Variants in PTPRK observed in about 807,000 individuals in gnomAD.
PTPRK encodes receptor-type tyrosine-protein phosphatase kappa.
PTPRK carries 75 observed loss-of-function variants against 178.0 expected under a neutral mutation model. That is an observed-to-expected ratio of 0.42 (90% CI 0.35 to 0.51). PTPRK has a LOEUF of 0.51. Among genes scored for constraint, PTPRK ranks in the 20% least tolerant of loss-of-function variants. PTPRK has a pLI of 0.02. For synonymous variants in PTPRK, 637 were observed against 620.6 expected (o/e 1.03, Z -0.39); for missense variants, 1,441 against 1,797.8 (o/e 0.80, Z 3.59).
rs1377387680 is a variant in PTPRK, at chr6:127,970,147, A to C, written c.*80T>G. The stretch of plus-strand genomic sequence containing the variant: ...CCCCCACATTAAAATCTTTCTGCAC[A>C]AGTGTAACAGGTACAACAGCTGCTG... On this transcript the variant is annotated 3_prime_UTR_variant, in exon 30 of 30. Coordinates refer to ENST00000368226, the MANE Select transcript of PTPRK (RefSeq NM_002844.4). 1.2e-5 allele frequency: 13 copies of C among 1,129,868 alleles called. No individual in the cohort carries two copies. In the Admixed American group the frequency reaches 3.0e-4, roughly 26 times the overall value. The allele number at this position is 1,129,868 out of a possible 1,614,324, so 70.0% of individuals were successfully genotyped here. A position where few individuals can be genotyped will look rare whatever the true frequency, so the allele number is the denominator to read the frequency against.
In PTPRK at chr6:128,255,138, C is replaced by A. The variant is rs532411554; in HGVS notation, c.496-12536G>T. ...CCTGAGTAGCTGGGACTACAGGCGC[C>A]CGCCACCATGCCCAGCCAATTTTTG... On this transcript the variant is annotated intron_variant, in intron 3 of 29. Transcript: ENST00000368226. Among the ~76,000 whole-genome samples the A allele has an allele frequency of 2.0e-3, 298 of 152,180 alleles. 1 individual carries two copies. Among genetic ancestry groups the A allele is most frequent in the South Asian group, 4.6e-3 (22 of 4,826 alleles).
chr6:128,467,946 A>T (rs1012607818), intron 1 of PTPRK, among the ~76,000 whole-genome samples: 1 of 152,148 alleles, frequency 6.6e-6, no homozygotes, highest in Non-Finnish European at 1.5e-5. Context: ...TAACTGTCCC[A>T]TTAAAATTCT....
intron 13 of PTPRK, among the ~76,000 whole-genome samples, chr6:128,014,147 C>T (rs1267536798): frequency 6.6e-6 from 1 of 151,598 alleles, no homozygotes; most frequent in Admixed American, 6.6e-5. Flanking sequence ...TTAAAAAACA[C>T]AAGGATGTCT....
At chr6:128,245,233 C>T (rs1815241309) in intron 3 of PTPRK, among the ~76,000 whole-genome samples, 1 of 151,824 alleles carries the variant, frequency 6.6e-6, no homozygotes, top group Admixed American at 6.6e-5. Flanking sequence ...CTCTAGGTTG[C>T]TTTTGAAAAC....
At chr6:128,042,318 A>G (rs2114840542) in intron 13 of PTPRK, among the ~76,000 whole-genome samples, 1 of 152,220 alleles carries the variant, frequency 6.6e-6, no homozygotes, top group African/African-American at 2.4e-5. Context: ...TTTGTGGGTT[A>G]AAACAACACA....
At chr6:128,501,621 A>T (rs1464189607) in intron 1 of PTPRK, among the ~76,000 whole-genome samples, 1 of 152,240 alleles carries the variant, frequency 6.6e-6, no homozygotes, top group Non-Finnish European at 1.5e-5. Context: ...TTTTTGGAAC[A>T]TGAAATATTT....
At chr6:128,269,374 G>T (rs557382516) in intron 3 of PTPRK, among the ~76,000 whole-genome samples, 1 of 151,980 alleles carries the variant, frequency 6.6e-6, no homozygotes, top group South Asian at 2.1e-4. Context: ...ATAAAATAAA[G>T]GTAGTAACAA....
intron 7 of PTPRK, among the ~76,000 whole-genome samples, 196 bp downstream of exon 7, chr6:128,184,236 T>C (rs1009654900): frequency 6.6e-6 from 1 of 152,124 alleles, no homozygotes. Context: ...GGCTTGAGAA[T>C]AGAGAAGCAC....
chr6:128,206,406 T>TAA (rs60030807), intron 6 of PTPRK, among the ~76,000 whole-genome samples: 2,106 of 120,544 alleles, frequency 0.017, 67 homozygotes, highest in African/African-American at 0.062. Context: ...GGGTGTTCAT[T>TAA]AAAAAAAAAA....
chr6:128,477,489 T>C lies in PTPRK; in HGVS notation c.100+42770A>G, dbSNP rs188160220. Among the ~76,000 whole-genome samples the C allele has an allele frequency of 5.5e-4, 83 of 152,228 alleles. 2 individuals are homozygous for C. The East Asian group carries it at 0.014, about 25-fold the overall frequency. ...CACTTAGTAACTAGCAGATGTATTA[T>C]AGCTAGGCAAGAGATCTTGAAAAAA... On this transcript the variant is annotated intron_variant, in intron 1 of 29. Transcript: ENST00000368226.
At chr6:128,044,404 C>T (rs1777701662) in intron 13 of PTPRK, among the ~76,000 whole-genome samples, 1 of 152,032 alleles carries the variant, frequency 6.6e-6, no homozygotes, top group African/African-American at 2.4e-5. Context: ...GAGGAGCTTA[C>T]AATCTCTTCT....
chr6:128,148,133 C>T (rs998925197), intron 7 of PTPRK, among the ~76,000 whole-genome samples: 1 of 152,026 alleles, frequency 6.6e-6, no homozygotes, highest in African/African-American at 2.4e-5. Context: ...GTGAAGTTCA[C>T]TTGTCTATGT....
intron 7 of PTPRK, among the ~76,000 whole-genome samples, chr6:128,133,805 G>A (rs1273571721): frequency 6.7e-6 from 1 of 150,350 alleles, no homozygotes; most frequent in Non-Finnish European, 1.5e-5. Context: ...TTCTCGTCTT[G>A]CCTTCCAACG....
chr6:128,053,485 C>T (rs113689549), intron 13 of PTPRK, among the ~76,000 whole-genome samples: 1,839 of 152,232 alleles, frequency 0.012, 37 homozygotes, highest in African/African-American at 0.042. Context: ...TCTGATACCT[C>T]ACACCATGCT....
In PTPRK at chr6:127,981,435, C is replaced by T. The variant is rs369461729; in HGVS notation, c.3538-146G>A. 3.1e-4 allele frequency: 206 copies of T among 659,772 alleles called. 2 individuals carry two copies. The South Asian group carries it at 4.3e-3, about 14-fold the overall frequency. 40.9% of individuals were successfully genotyped at this position (659,772 alleles called of 1,614,324 possible). ...TTTGCTACTATGACAGGCTGATAGA[C>T]CTTGTAGTTAAAGCTAATGAAGCCT... On this transcript the variant is annotated intron_variant, in intron 24 of 29. Transcript: ENST00000368226.
chr6:128,520,144 C>A (rs1339923711), intron 1 of PTPRK, 115 bp downstream of exon 1: 4 of 916,104 alleles, frequency 4.4e-6, no homozygotes, highest in South Asian at 1.8e-5. Flanking sequence ...GTTCCCCACC[C>A]CCGGACAGAG....
At position 128,100,768 on chromosome 6, in the gene PTPRK, AAAGT is replaced by A. The variant is rs1489739558; in HGVS notation, c.1163-10780_1163-10777del. 4.6e-5 allele frequency among the ~76,000 whole-genome samples: 7 copies of A among 151,976 alleles called. No homozygotes were observed. In the South Asian group the frequency reaches 8.3e-4, roughly 18 times the overall value. ...TTCTTTACTTTTGAAAAGGTATTCA[AAAGT>A]AAGTGTTAGAGCATGAACTGGCTCG... On this transcript the variant is annotated intron_variant, in intron 7 of 29. Transcript: ENST00000368226.
intron 6 of PTPRK, among the ~76,000 whole-genome samples, chr6:128,208,549 T>C (rs577440175): frequency 6.6e-6 from 1 of 152,232 alleles, no homozygotes; most frequent in South Asian, 2.1e-4. Flanking sequence ...ACATGATATA[T>C]CTTACATGTG....
intron 1 of PTPRK, among the ~76,000 whole-genome samples, chr6:128,444,596 T>C (rs74364015): frequency 0.016 from 2,488 of 152,306 alleles, 29 homozygotes; most frequent in Non-Finnish European, 0.027. Context: ...TGGTTTTCTT[T>C]AACAGGCTCA....
Sources: gnomAD v4.1 joint callset for allele counts (sites outside exome capture counted in the v4.1 genomes callset) on GRCh38, gnomAD v4.1.1 for gene constraint, MANE v1.5 for transcripts, NCBI Gene and HGNC (gene_info 2026-07-23, HGNC 2026-07-21) for gene names.